Variants in ELMO1 observed in about 807,000 individuals in gnomAD.
The protein encoded by ELMO1 is engulfment and cell motility 1.
A neutral mutation model predicts 98.9 loss-of-function variants in ELMO1; 26 were observed. The ratio of observed to expected loss-of-function variants is 0.26; its 90% CI spans 0.19 to 0.36. The LOEUF (loss-of-function observed/expected upper bound fraction) is 0.36. Among genes scored for constraint, ELMO1 ranks in the 10% least tolerant of loss-of-function variants. ELMO1 has a pLI of 1.00. For missense variants in ELMO1, 627 were observed against 935.2 expected (o/e 0.67, Z 4.30); for synonymous variants, 346 against 346.0 (o/e 1.00, Z 0.00).
At chr7:37,385,139 A>T (rs2131398617) in intron 1 of ELMO1, among the ~76,000 whole-genome samples, 1 of 152,262 alleles carries the variant, frequency 6.6e-6, no homozygotes, top group East Asian at 1.9e-4. Flanking sequence ...CCTCTAGCTG[A>T]TCTCTCTGAC....
chr7:37,202,738 G>A (rs866313357), intron 13 of ELMO1, among the ~76,000 whole-genome samples: 2 of 152,124 alleles, frequency 1.3e-5, no homozygotes, highest in Middle Eastern at 6.8e-3. Context: ...ACTTCCCTCA[G>A]GTGGCCATTT....
intron 13 of ELMO1, among the ~76,000 whole-genome samples, chr7:37,184,359 G>A (rs1009346344): frequency 6.6e-6 from 1 of 152,152 alleles, no homozygotes; most frequent in Non-Finnish European, 1.5e-5. Flanking sequence ...TGCATGTGTG[G>A]TTCAGAGTCA....
chr7:37,437,487 G>A (rs555700228), intron 1 of ELMO1, among the ~76,000 whole-genome samples: 1 of 152,192 alleles, frequency 6.6e-6, no homozygotes, highest in South Asian at 2.1e-4. Flanking sequence ...TACTTCTCCT[G>A]TACTGGTTTA....
intron 21 of ELMO1, among the ~76,000 whole-genome samples, chr7:36,857,133 C>G (rs984198922): frequency 1.3e-5 from 2 of 152,154 alleles, no homozygotes; most frequent in African/African-American, 2.4e-5. Flanking sequence ...AGGAGGGCAG[C>G]ATTGATTTGG....
intron 16 of ELMO1, among the ~76,000 whole-genome samples, chr7:36,896,038 G>A (rs1805971353): frequency 6.6e-6 from 1 of 152,138 alleles, no homozygotes; most frequent in Admixed American, 6.5e-5. Context: ...TGGATATCAG[G>A]ATTGTAAACA....
chr7:37,418,641 G>A (rs34224250), intron 1 of ELMO1, among the ~76,000 whole-genome samples: 11,018 of 152,214 alleles, frequency 0.072, 687 homozygotes, highest in African/African-American at 0.15. Flanking sequence ...CCATGGATGC[G>A]TCAGAGTCAG....
intron 4 of ELMO1, among the ~76,000 whole-genome samples, chr7:37,272,799 G>A (rs1207959160): frequency 6.6e-6 from 1 of 152,190 alleles, no homozygotes; most frequent in Non-Finnish European, 1.5e-5. Context: ...GACTGCATTT[G>A]CATGAAATGT....
chr7:37,352,765 TA>T (rs1207005031), intron 1 of ELMO1, among the ~76,000 whole-genome samples: 10 of 152,294 alleles, frequency 6.6e-5, no homozygotes, highest in East Asian at 1.9e-4. Flanking sequence ...CAGAGAACAG[TA>T]AAACTTCTAT....
chr7:37,421,067 C>A (rs891687260), intron 1 of ELMO1, among the ~76,000 whole-genome samples: 1 of 152,214 alleles, frequency 6.6e-6, no homozygotes, highest in African/African-American at 2.4e-5. Flanking sequence ...TAAAAGCACA[C>A]TCTGAGCAGT....
chr7:37,355,387 C>T (rs1018951751), intron 1 of ELMO1, among the ~76,000 whole-genome samples: 1 of 152,244 alleles, frequency 6.6e-6, no homozygotes, highest in Non-Finnish European at 1.5e-5. Context: ...TGAGGAAACA[C>T]ATCTGTAGTC....
intron 2 of ELMO1, among the ~76,000 whole-genome samples, chr7:37,330,230 C>G (rs1457760361): frequency 6.6e-6 from 1 of 152,166 alleles, no homozygotes; most frequent in Non-Finnish European, 1.5e-5. Context: ...GTGGAACTGC[C>G]AATTAGACAT....
At chr7:36,897,102 G>T (rs773352620) in intron 16 of ELMO1, among the ~76,000 whole-genome samples, 1 of 152,186 alleles carries the variant, frequency 6.6e-6, no homozygotes. Flanking sequence ...AGAGATGATG[G>T]TGTTTACACC....
At chr7:37,279,595 G>A (rs552484958) in intron 4 of ELMO1, among the ~76,000 whole-genome samples, 10 of 152,190 alleles carry the variant, frequency 6.6e-5, no homozygotes, top group African/African-American at 1.2e-4. Flanking sequence ...CTCTTTGCGG[G>A]AGAAGTTTCC....
intron 1 of ELMO1, among the ~76,000 whole-genome samples, chr7:37,374,737 C>T (rs556677635): frequency 2.7e-5 from 4 of 150,720 alleles, no homozygotes; most frequent in South Asian, 2.1e-4. Context: ...GGCAACAGAG[C>T]GAGACTCCAT....
At chr7:37,094,938 T>G (rs1784295994) in intron 15 of ELMO1, among the ~76,000 whole-genome samples, 1 of 152,192 alleles carries the variant, frequency 6.6e-6, no homozygotes, top group Non-Finnish European at 1.5e-5. Flanking sequence ...CAGATCACTC[T>G]TATGTGTTTA....
intron 15 of ELMO1, among the ~76,000 whole-genome samples, chr7:37,071,507 T>C (rs1797267129): frequency 6.6e-6 from 1 of 152,296 alleles, no homozygotes; most frequent in Admixed American, 6.5e-5. Flanking sequence ...ACAGAATCAA[T>C]TTTGGGTGTT....
chr7:37,024,990 G>A (rs13243420), intron 15 of ELMO1, among the ~76,000 whole-genome samples: 13,665 of 152,134 alleles, frequency 0.09, 971 homozygotes, highest in African/African-American at 0.2. Flanking sequence ...TAAGATTTCT[G>A]GTAAGTGCAT....
At chr7:37,080,600 ATT>A (rs764259726) in intron 15 of ELMO1, among the ~76,000 whole-genome samples, 19 of 105,212 alleles carry the variant, frequency 1.8e-4, no homozygotes, top group African/African-American at 5.5e-4. Context: ...ACCACGCCTA[ATT>A]TTTTTTTTTT....
In ELMO1 at chr7:36,855,801, G is replaced by C. The variant is rs778708825; in HGVS notation, c.1984-50C>G. ...ATCATTACTGGTGGCAATTACAGAA[G>C]TATTAATAGTAAAAATAGCTAACAG... On this transcript the variant is annotated intron_variant, in intron 21 of 21. Transcript: ENST00000310758. This position sits in a 1 kb window ranked among gnomAD's most constrained non-coding sequence, Gnocchi z 4.2. 1 of 1,602,100 alleles carries C rather than the reference G, an allele frequency of 6.2e-7. No homozygotes were observed. Among genetic ancestry groups the C allele is most frequent in the Non-Finnish European group, 8.5e-7 (1 of 1,169,924 alleles).
Sources: gnomAD v4.1 joint callset for allele counts (sites outside exome capture counted in the v4.1 genomes callset) on GRCh38, gnomAD v4.1.1 for gene constraint, Gnocchi (gnomAD v3.1) non-coding constraint, MANE v1.5 for transcripts, NCBI Gene and HGNC (gene_info 2026-07-23, HGNC 2026-07-21) for gene names.